CDYL2: variants seen among roughly 807,000 people sequenced by gnomAD.
CDYL2 encodes chromodomain Y-like protein 2.
A neutral mutation model predicts 49.4 loss-of-function variants in CDYL2; 23 were observed. The ratio of observed to expected loss-of-function variants is 0.47; its 90% CI spans 0.34 to 0.66. CDYL2 has a LOEUF of 0.66. Ranked by LOEUF, CDYL2 falls within the 30% of genes least tolerant of loss-of-function variation. The pLI is 0.01. For missense variants in CDYL2, 678 were observed against 656.4 expected, an observed-to-expected ratio of 1.03 and a Z score of -0.36; for synonymous variants, 360 against 268.8, an observed-to-expected ratio of 1.34 and a Z score of -3.32.
At chr16:80,748,114 G>C (rs1445230263) in intron 1 of CDYL2, among the ~76,000 whole-genome samples, 2 of 136,146 alleles carry the variant, frequency 1.5e-5, no homozygotes, top group Admixed American at 7.9e-5. Flanking sequence ...GGTGATTCTG[G>C]GAAGATTAAA....
chr16:80,732,397 G>C (rs1317987243), intron 1 of CDYL2, among the ~76,000 whole-genome samples: 1 of 152,046 alleles, frequency 6.6e-6, no homozygotes, highest in Non-Finnish European at 1.5e-5. Flanking sequence ...CATCGTGTTG[G>C]AAAGAGCCTT....
intron 1 of CDYL2, among the ~76,000 whole-genome samples, chr16:80,708,713 C>A (rs1248090497): frequency 6.6e-6 from 1 of 152,072 alleles, no homozygotes; most frequent in Non-Finnish European, 1.5e-5. Flanking sequence ...GTCAAATTTC[C>A]TTTTAAAAAT....
At chr16:80,687,960 A>T (rs1014826440) in intron 1 of CDYL2, among the ~76,000 whole-genome samples, 2 of 152,192 alleles carry the variant, frequency 1.3e-5, no homozygotes, top group Non-Finnish European at 2.9e-5. Flanking sequence ...ATGACCCCTT[A>T]AAACAGTCAA....
chr16:80,730,678 A>G (rs894673706), intron 1 of CDYL2, among the ~76,000 whole-genome samples: 4 of 152,252 alleles, frequency 2.6e-5, no homozygotes, highest in African/African-American at 7.2e-5. Context: ...AATACCCTTG[A>G]TGAACATTGA....
chr16:80,645,527 A>G (rs1317992017), intron 2 of CDYL2, among the ~76,000 whole-genome samples: 1 of 152,150 alleles, frequency 6.6e-6, no homozygotes, highest in South Asian at 2.1e-4. Context: ...ACACTTTTAC[A>G]CTGTTGGTGG....
intron 1 of CDYL2, among the ~76,000 whole-genome samples, chr16:80,717,118 A>G (rs1904836205): frequency 6.7e-6 from 1 of 148,700 alleles, no homozygotes; most frequent in Admixed American, 6.7e-5. Flanking sequence ...GGATGGAGGG[A>G]TGAATGAATG....
intron 1 of CDYL2, among the ~76,000 whole-genome samples, chr16:80,793,609 C>T (rs116012127): frequency 6.5e-4 from 99 of 152,320 alleles, no homozygotes; most frequent in African/African-American, 2.4e-3. Flanking sequence ...GTGCCACAAG[C>T]TTGGAATACA....
intron 2 of CDYL2, among the ~76,000 whole-genome samples, chr16:80,679,179 G>C (rs1909874821): frequency 1.3e-5 from 2 of 151,546 alleles, no homozygotes; most frequent in African/African-American, 4.9e-5. Context: ...GAGTTAGTGG[G>C]TGCATTGTGC....
At chr16:80,670,974 G>C (rs1022786890) in intron 2 of CDYL2, 10 of 455,858 alleles carry the variant, frequency 2.2e-5, no homozygotes, top group Non-Finnish European at 8.8e-6. Context: ...TCTAAAGAAG[G>C]CTGCCTCAGG....
At position 80,749,407 on chromosome 16, in the gene CDYL2, G is replaced by A. The variant is rs180864963; in HGVS notation, c.24+54743C>T. ...TTCATATATGCCTGGAATATTTACC[G>A]AAAAATTTTAACAAGTCCTAGTCCA... On this transcript the variant is annotated intron_variant, in intron 1 of 6. Transcript: ENST00000570137. 1.4e-3 allele frequency among the ~76,000 whole-genome samples: 219 copies of A among 152,162 alleles called. 1 individual carries two copies. Among genetic ancestry groups the A allele is most frequent in the African/African-American group, 5.0e-3 (209 of 41,502 alleles).
Position 80,612,988 on chromosome 16 carries a change from C to A in CDYL2, c.1008-152G>T. On this transcript the variant is annotated intron_variant, in intron 4 of 6. Coordinates refer to ENST00000570137, the MANE Select transcript of CDYL2 (RefSeq NM_152342.4). This position sits in a 1 kb window ranked among gnomAD's most constrained non-coding sequence, Gnocchi z 5.0. ...GGGCCTCATTGCCTGGACATGGAAC[C>A]ACCAGCTGTCAGATTTTCTGAGGTA... The A allele has an allele frequency of 1.5e-6, 1 of 649,316 alleles. No individual in the cohort carries two copies. Among genetic ancestry groups the A allele is most frequent in the Non-Finnish European group, 2.6e-6 (1 of 388,418 alleles). 40.2% of individuals were successfully genotyped at this position (649,316 alleles called of 1,614,324 possible). A position where few individuals can be genotyped will look rare whatever the true frequency, so the allele number is the denominator to read the frequency against.
intron 2 of CDYL2, among the ~76,000 whole-genome samples, chr16:80,678,322 G>A (rs2142464090): frequency 6.6e-6 from 1 of 152,188 alleles, no homozygotes; most frequent in South Asian, 2.1e-4. Flanking sequence ...GAGTGAACAG[G>A]CAACCCACAA....
chr16:80,765,876 CAAAAAA>C (rs554710623), intron 1 of CDYL2, among the ~76,000 whole-genome samples: 1 of 47,174 alleles, frequency 2.1e-5, no homozygotes, highest in African/African-American at 7.5e-5. Context: ...CCCTCATCTA[CAAAAAA>C]AAAAAAAAAA....
intron 1 of CDYL2, among the ~76,000 whole-genome samples, chr16:80,789,239 A>T (rs2142413379): frequency 6.6e-6 from 1 of 152,352 alleles, no homozygotes; most frequent in South Asian, 2.1e-4. Context: ...CTAAAAATAG[A>T]ACTACTGTTC....
chr16:80,638,314 A>G (rs1371311776), intron 2 of CDYL2, among the ~76,000 whole-genome samples: 1 of 151,968 alleles, frequency 6.6e-6, no homozygotes, highest in Non-Finnish European at 1.5e-5. Flanking sequence ...ACCCCAAACA[A>G]TCCTCCCACC....
chr16:80,622,168 A>G (rs935875739), intron 3 of CDYL2, among the ~76,000 whole-genome samples: 9 of 152,148 alleles, frequency 5.9e-5, no homozygotes, highest in Non-Finnish European at 1.3e-4. Flanking sequence ...CCATTTATGG[A>G]GAAGGAGAGG....
chr16:80,605,390 T>C (rs1273408807), intron 6 of CDYL2, among the ~76,000 whole-genome samples: 1 of 148,262 alleles, frequency 6.7e-6, no homozygotes, highest in Non-Finnish European at 1.5e-5. Context: ...ATTATGTATA[T>C]GTATTATATA....
rs1234230843 is a variant in CDYL2, at chr16:80,684,825, T to C, written c.329A>G (p.Asn110Ser). The C allele has an allele frequency of 2.5e-6, 4 of 1,613,424 alleles. No homozygotes were observed. Among genetic ancestry groups the C allele is most frequent in the Non-Finnish European group, 3.4e-6 (4 of 1,179,934 alleles). The change falls in exon 2 of 7, where the codon AAC becomes AGC. Residue 110 changes from asparagine to serine, a missense_variant. Around this residue, in one of 3 missense-constraint regions of CDYL2, gnomAD observed 478 missense variants for 427.0 expected, o/e 1.12. Coordinates refer to ENST00000570137, the MANE Select transcript of CDYL2 (RefSeq NM_152342.4). ...TTTTTTTGGCTTGGCCAGGGGAGGG[T>C]TAATTCGCTTCCGTTTATGGGAGGT... is the stretch of plus-strand genomic sequence containing the variant. ...KGTSHKRKRI[N>S]PPLAKPKKGY...
At chr16:80,772,791 T>C (rs1906950435) in intron 1 of CDYL2, among the ~76,000 whole-genome samples, 1 of 152,050 alleles carries the variant, frequency 6.6e-6, no homozygotes, top group African/African-American at 2.4e-5. Context: ...CAAGTATACA[T>C]ATTGTAATTT....
Sources: allele counts gnomAD v4.1 joint callset (sites outside exome capture counted in the v4.1 genomes callset), GRCh38; gene constraint gnomAD v4.1.1; regional missense constraint gnomAD v4.1.1; non-coding constraint Gnocchi (gnomAD v3.1); transcripts MANE v1.5; gene names NCBI Gene and HGNC (gene_info 2026-07-23, HGNC 2026-07-21).